PPME1: variants seen among roughly 807,000 people sequenced by gnomAD.
PPME1 encodes the protein testicular secretory protein Li 39.
PPME1 carries 17 observed loss-of-function variants against 56.9 expected under a neutral mutation model. The observed-to-expected ratio is 0.30, with a 90% CI of 0.20 to 0.45. The LOEUF (loss-of-function observed/expected upper bound fraction) is 0.45, where lower values mean the gene tolerates loss of function less well. Among genes scored for constraint, PPME1 ranks in the 20% least tolerant of loss-of-function variants. The probability of loss-of-function intolerance (pLI) is 1.00; values close to 1 mark genes in which losing one functional copy is unlikely to be tolerated. For synonymous variants in PPME1, 122 were observed against 156.2 expected, an observed-to-expected ratio of 0.78 and a Z score of 1.63; for missense variants, 357 against 483.2, an observed-to-expected ratio of 0.74 and a Z score of 2.45.
chr11:74,250,097 T>A (rs963488084), intron 11 of PPME1: 4 of 152,216 alleles, frequency 2.6e-5, no homozygotes, highest in Admixed American at 6.5e-5. Context: ...TGAAAACTTT[T>A]GAATCCTGCG....
chr11:74,224,779 T>C lies in PPME1; in HGVS notation c.347-426T>C, dbSNP rs1858892141. Among the ~76,000 whole-genome samples the C allele has an allele frequency of 1.3e-5, 2 of 150,698 alleles. 1 individual carries two copies. The highest frequency in any genetic ancestry group is 4.2e-4 in the South Asian group (2 of 4,766). ...TTGGTGTATAAGAATGCTTGTGATT[T>C]TTGTACATTGATTTTGTATCCTGAG... is the stretch of plus-strand genomic sequence containing the variant. On this transcript the variant is annotated intron_variant, in intron 4 of 13. Transcript: ENST00000328257.
intron 1 of PPME1, among the ~76,000 whole-genome samples, chr11:74,184,521 G>A (rs1857620993): frequency 6.6e-6 from 1 of 152,264 alleles, no homozygotes. Flanking sequence ...GGTAATTAGA[G>A]GATTTGTACT....
intron 8 of PPME1, 121 bp downstream of exon 8, chr11:74,236,087 A>G: frequency 6.9e-7 from 1 of 1,442,376 alleles, no homozygotes; most frequent in Non-Finnish European, 9.2e-7. Flanking sequence ...ATTATTTTAA[A>G]TAATTTTAAA....
intron 1 of PPME1, among the ~76,000 whole-genome samples, chr11:74,175,655 T>C (rs145156488): frequency 0.023 from 3,474 of 152,254 alleles, 127 homozygotes; most frequent in African/African-American, 0.078. Context: ...ACTCGTGGGC[T>C]CAAGCAGTCT....
At chr11:74,216,323 T>C (rs1245579540) in intron 3 of PPME1, among the ~76,000 whole-genome samples, 1 of 152,100 alleles carries the variant, frequency 6.6e-6, no homozygotes, top group Non-Finnish European at 1.5e-5. Flanking sequence ...ATAAAACTAG[T>C]AATCAATAAG....
chr11:74,193,677 T>C (rs1220849371), intron 1 of PPME1, among the ~76,000 whole-genome samples: 1 of 152,238 alleles, frequency 6.6e-6, no homozygotes, highest in African/African-American at 2.4e-5. Flanking sequence ...ATCTTCTATT[T>C]GTATTTTGGA....
intron 1 of PPME1, among the ~76,000 whole-genome samples, chr11:74,188,722 A>G (rs1344640501): frequency 6.6e-6 from 1 of 152,194 alleles, no homozygotes. Flanking sequence ...AAAATAACCA[A>G]CAATATGATT....
chr11:74,203,927 C>T lies in PPME1; in HGVS notation c.195+106C>T, dbSNP rs1206164608. The stretch of plus-strand genomic sequence containing the variant: ...TTCTTTATTCCTGCTACTTATTTCA[C>T]CTTATTCCTCACTTGTTCTTTATGG... On this transcript the variant is annotated intron_variant, in intron 2 of 13. Coordinates refer to ENST00000328257, the MANE Select transcript of PPME1 (RefSeq NM_016147.3). 1.7e-5 allele frequency: 13 copies of T among 762,524 alleles called. No individual in the cohort carries two copies. The Admixed American group carries it at 3.4e-4, about 20-fold the overall frequency. The allele number at this position is 762,524 out of a possible 1,614,324, so 47.2% of individuals were successfully genotyped here.
chr11:74,201,357 T>C (rs193245575), intron 1 of PPME1, among the ~76,000 whole-genome samples: 6 of 147,692 alleles, frequency 4.1e-5, no homozygotes, highest in African/African-American at 2.7e-5. Flanking sequence ...TTTCTACTTA[T>C]AGGAAGTAAG....
chr11:74,239,631 C>A (rs916716240), intron 9 of PPME1, among the ~76,000 whole-genome samples: 2 of 143,770 alleles, frequency 1.4e-5, no homozygotes, highest in Non-Finnish European at 3.0e-5. Flanking sequence ...GGCTGGAGTA[C>A]AATGGCGCGA....
At chr11:74,201,149 G>C (rs1044460369) in intron 1 of PPME1, among the ~76,000 whole-genome samples, 17 of 151,948 alleles carry the variant, frequency 1.1e-4, no homozygotes, top group Non-Finnish European at 7.4e-5. Context: ...CTAATTTTTT[G>C]TATTTTTAGT....
intron 1 of PPME1, among the ~76,000 whole-genome samples, chr11:74,190,907 G>T (rs1857819159): frequency 6.6e-6 from 1 of 152,218 alleles, no homozygotes; most frequent in South Asian, 2.1e-4. Flanking sequence ...GAGTTTGCCT[G>T]CATTGTGTTG....
chr11:74,204,049 T>C (rs1306211577), intron 2 of PPME1, among the ~76,000 whole-genome samples: 2 of 152,172 alleles, frequency 1.3e-5, no homozygotes, highest in African/African-American at 4.8e-5. Flanking sequence ...ACTGATATAC[T>C]GTCTTAGGGG....
At chr11:74,228,172 A>C (rs1858976642) in intron 5 of PPME1, among the ~76,000 whole-genome samples, 1 of 151,864 alleles carries the variant, frequency 6.6e-6, no homozygotes, top group Admixed American at 6.6e-5. Flanking sequence ...TTTGCCCCCA[A>C]AATTGTATCC....
At chr11:74,173,503 A>G (rs910200969) in intron 1 of PPME1, among the ~76,000 whole-genome samples, 1 of 152,158 alleles carries the variant, frequency 6.6e-6, no homozygotes, top group Non-Finnish European at 1.5e-5. Context: ...AAGATTGTAT[A>G]ATTGTTAGTA....
chr11:74,252,479 G>T lies in PPME1; in HGVS notation c.1142+764G>T, dbSNP rs116735857. On this transcript the variant is annotated intron_variant, in intron 13 of 13. Transcript: ENST00000328257. ...AGCTGGGAATGGAATGGGTGCCTCTGCCAGGCTTGCTTCCCCTCCCTTTCC... is the reference window on the plus strand; with the variant it reads ...AGCTGGGAATGGAATGGGTGCCTCTTCCAGGCTTGCTTCCCCTCCCTTTCC... 1,030 of 456,504 alleles carry T rather than the reference G, an allele frequency of 2.3e-3. 8 individuals are homozygous for T. The highest frequency in any genetic ancestry group is 0.018 in the African/African-American group (924 of 50,140). The allele number at this position is 456,504 out of a possible 1,614,324, so 28.3% of individuals were successfully genotyped here.
chr11:74,253,584 A>G lies in PPME1; in HGVS notation c.*74A>G. 1 of 1,489,624 alleles carries G rather than the reference A, an allele frequency of 6.7e-7. No homozygotes were observed. The highest frequency in any genetic ancestry group is 9.4e-7 in the Non-Finnish European group (1 of 1,067,322). 92.3% of individuals were successfully genotyped at this position (1,489,624 alleles called of 1,614,324 possible). On this transcript the variant is annotated 3_prime_UTR_variant, in exon 14 of 14. Transcript: ENST00000328257. ...TCGCACCAGAGGCCACTGTGATGCC[A>G]CTGTCTCCTCTCCATCCCGCCCAGC...
chr11:74,216,816 A>G (rs930585011), intron 3 of PPME1, among the ~76,000 whole-genome samples: 1 of 152,218 alleles, frequency 6.6e-6, no homozygotes, highest in Non-Finnish European at 1.5e-5. Context: ...AGAAATTCAA[A>G]GGATTACTAG....
At chr11:74,206,453 A>G (rs1346214651) in intron 3 of PPME1, among the ~76,000 whole-genome samples, 1 of 152,224 alleles carries the variant, frequency 6.6e-6, no homozygotes, top group Non-Finnish European at 1.5e-5. Context: ...AGAGAAGAGC[A>G]ATCAAGATTA....
Sources: gnomAD v4.1 joint callset for allele counts (sites outside exome capture counted in the v4.1 genomes callset) on GRCh38, gnomAD v4.1.1 for gene constraint, MANE v1.5 for transcripts, NCBI Gene and HGNC (gene_info 2026-07-23, HGNC 2026-07-21) for gene names.